Variants in VPS13B observed in about 807,000 individuals in gnomAD.
VPS13B encodes the protein vacuolar protein sorting 13 homolog B.
In VPS13B, 285 loss-of-function variants were observed where a neutral mutation model predicts 426.4. The ratio of observed to expected loss-of-function variants is 0.67; its 90% CI spans 0.61 to 0.74. VPS13B has a LOEUF of 0.74. VPS13B is among the 30% of genes least tolerant of loss of function. The pLI, the probability that VPS13B is intolerant of heterozygous loss-of-function variation, is 0.00. For missense variants in VPS13B, 4,537 were observed against 4,782.6 expected, an observed-to-expected ratio of 0.95 and a Z score of 1.51; for synonymous variants, 1,676 against 1,676.4, an observed-to-expected ratio of 1.00 and a Z score of 0.01.
intron 8 of VPS13B, among the ~76,000 whole-genome samples, chr8:99,132,038 A>G (rs947081914): frequency 8.5e-5 from 13 of 152,162 alleles, no homozygotes; most frequent in Admixed American, 5.2e-4. Context: ...CTGGGACTGC[A>G]GGCATGCACC....
At chr8:99,577,876 C>T in intron 33 of VPS13B, 2 of 496,266 alleles carry the variant, frequency 4.0e-6, no homozygotes, top group South Asian at 2.1e-5. Flanking sequence ...AGAGGAACCT[C>T]TGTTATATAC....
intron 21 of VPS13B, among the ~76,000 whole-genome samples, chr8:99,415,834 G>T (rs975770318): frequency 6.6e-6 from 1 of 152,184 alleles, no homozygotes; most frequent in Non-Finnish European, 1.5e-5. Flanking sequence ...GAGCTCTCCT[G>T]TATGTGGTGT....
At chr8:99,715,315 C>T (rs2130303763) in intron 36 of VPS13B, among the ~76,000 whole-genome samples, 1 of 152,258 alleles carries the variant, frequency 6.6e-6, no homozygotes, top group South Asian at 2.1e-4. Flanking sequence ...ACTGTTGTGC[C>T]CAGGACTACA....
chr8:99,451,154 T>C (rs1311444285), intron 23 of VPS13B, among the ~76,000 whole-genome samples: 1 of 152,168 alleles, frequency 6.6e-6, no homozygotes, highest in East Asian at 1.9e-4. Flanking sequence ...CCTTGAAACA[T>C]AATCTACAAC....
intron 19 of VPS13B, among the ~76,000 whole-genome samples, chr8:99,343,689 C>T (rs1811374938): frequency 6.6e-6 from 1 of 152,132 alleles, no homozygotes; most frequent in Non-Finnish European, 1.5e-5. Context: ...ATTCAATTTA[C>T]AATAGCAGCA....
In VPS13B at chr8:99,875,720, T is replaced by TGAGAC; in HGVS notation, c.*55_*59dup. The TGAGAC allele has an allele frequency of 3.1e-6, 5 of 1,612,076 alleles. No individual in the cohort carries two copies. The highest frequency in any genetic ancestry group is 4.2e-6 in the Non-Finnish European group (5 of 1,178,828). On this transcript the variant is annotated 3_prime_UTR_variant, in exon 62 of 62. Transcript: ENST00000357162. ...GTGTGATTTAGTTTTTGGGTTTCTT[T>TGAGAC]GAGACAGGGTCTCACTGCATTGCCC...
At chr8:99,114,883 C>T (rs1003127383) in intron 6 of VPS13B, among the ~76,000 whole-genome samples, 4 of 152,096 alleles carry the variant, frequency 2.6e-5, no homozygotes, top group Non-Finnish European at 5.9e-5. Flanking sequence ...GGTTTTACTC[C>T]GTGTTTAGAT....
At chr8:99,652,362 C>A (rs924030408) in intron 34 of VPS13B, among the ~76,000 whole-genome samples, 2 of 151,956 alleles carry the variant, frequency 1.3e-5, no homozygotes, top group African/African-American at 4.8e-5. Context: ...ACAATGTATG[C>A]GAAGTTCTTA....
intron 17 of VPS13B, among the ~76,000 whole-genome samples, chr8:99,256,054 G>A (rs955560340): frequency 1.3e-5 from 2 of 152,218 alleles, no homozygotes; most frequent in Non-Finnish European, 2.9e-5. Flanking sequence ...ACCAGTTTTT[G>A]CCTAAACATT....
At chr8:99,871,985 TG>T (rs1408547205) in intron 61 of VPS13B, among the ~76,000 whole-genome samples, 2 of 152,210 alleles carry the variant, frequency 1.3e-5, no homozygotes, top group African/African-American at 2.4e-5. Context: ...TGAACAAGGC[TG>T]ATCTGGCTTG....
At chr8:99,307,489 G>T (rs1820704434) in intron 19 of VPS13B, among the ~76,000 whole-genome samples, 2 of 151,954 alleles carry the variant, frequency 1.3e-5, no homozygotes, top group Non-Finnish European at 2.9e-5. Flanking sequence ...AACTTCATAG[G>T]TAGAACATTT....
intron 30 of VPS13B, among the ~76,000 whole-genome samples, chr8:99,555,368 C>A (rs1191351277): frequency 6.6e-6 from 1 of 152,118 alleles, no homozygotes; most frequent in Non-Finnish European, 1.5e-5. Context: ...CTAGGACCCC[C>A]ATCACCTCCC....
chr8:99,737,422 A>G (rs1394435711), intron 39 of VPS13B, among the ~76,000 whole-genome samples: 5 of 152,004 alleles, frequency 3.3e-5, no homozygotes, highest in Non-Finnish European at 7.4e-5. Flanking sequence ...AAATTTTTCC[A>G]GTCTGTAGAT....
chr8:99,442,617 C>T lies in VPS13B; in HGVS notation c.3427C>T (p.Arg1143Ter), dbSNP rs386834080. 34 of 1,613,680 alleles carry T rather than the reference C, an allele frequency of 2.1e-5. No homozygotes were observed. Among genetic ancestry groups the T allele is most frequent in the South Asian group, 6.6e-5 (6 of 91,072 alleles). ...PLQEIPFVIP[R>*]PILEEGDAFP... ...GCAGGAGATTCCATTTGTTATCCCACGACCCATCCTTGAAGAAGGTATATG... is the reference window on the plus strand; with the variant it reads ...GCAGGAGATTCCATTTGTTATCCCATGACCCATCCTTGAAGAAGGTATATG... Residue 1143 changes from arginine to a stop codon, truncating the protein, a stop_gained, in exon 23 of 62, where the codon CGA becomes TGA. Coordinates refer to ENST00000357162, the MANE Select transcript of VPS13B (RefSeq NM_152564.5). LOFTEE classifies it high-confidence loss of function.
At chr8:99,720,753 C>A (rs1171251313) in intron 38 of VPS13B, 110 bp from the exon 39 acceptor site, 9 of 1,181,748 alleles carry the variant, frequency 7.6e-6, no homozygotes, top group Non-Finnish European at 1.1e-5. Context: ...TAAAAATGAC[C>A]AACTAGCTTC....
chr8:99,168,761 T>C (rs561210039), intron 15 of VPS13B, among the ~76,000 whole-genome samples: 76 of 152,196 alleles, frequency 5.0e-4, no homozygotes, highest in African/African-American at 1.8e-3. Flanking sequence ...GTACTTCTTA[T>C]CTATTGGTTA....
At chr8:99,864,009 T>G (rs1436596079) in intron 58 of VPS13B, among the ~76,000 whole-genome samples, 1 of 152,192 alleles carries the variant, frequency 6.6e-6, no homozygotes, top group Non-Finnish European at 1.5e-5. Context: ...CAAACCAGCT[T>G]CCTTTCCTGT....
chr8:99,718,723 G>A (rs1049091422), intron 37 of VPS13B, among the ~76,000 whole-genome samples: 13 of 150,342 alleles, frequency 8.6e-5, no homozygotes, highest in African/African-American at 2.7e-4. Context: ...CTGAAGTGCA[G>A]TGGTGTGATA....
intron 23 of VPS13B, among the ~76,000 whole-genome samples, chr8:99,460,901 T>C (rs1818793934): frequency 6.6e-6 from 1 of 152,202 alleles, no homozygotes; most frequent in Non-Finnish European, 1.5e-5. Context: ...GAGATAGAAA[T>C]GACTTCATGC....
Sources: gnomAD v4.1 joint callset for allele counts (sites outside exome capture counted in the v4.1 genomes callset) on GRCh38, gnomAD v4.1.1 for gene constraint, MANE v1.5 for transcripts, NCBI Gene and HGNC (gene_info 2026-07-23, HGNC 2026-07-21) for gene names.